Variants in KIFAP3 observed in about 807,000 individuals in gnomAD.
The protein encoded by KIFAP3 is kinesin associated protein 3, also known as kinesin-associated protein 3.
A neutral mutation model predicts 106.5 loss-of-function variants in KIFAP3; 68 were observed. The observed-to-expected ratio is 0.64, with a 90% CI of 0.53 to 0.78. KIFAP3 has a LOEUF of 0.78. KIFAP3 is among the 30% of genes least tolerant of loss of function. The pLI, the probability that KIFAP3 is intolerant of heterozygous loss-of-function variation, is 0.00. For missense variants in KIFAP3, 780 were observed against 941.8 expected, an observed-to-expected ratio of 0.83 and a Z score of 2.25; for synonymous variants, 320 against 311.5, an observed-to-expected ratio of 1.03 and a Z score of -0.29.
chr1:170,074,041 C>G (rs1280740400), intron 1 of KIFAP3, among the ~76,000 whole-genome samples: 1 of 152,094 alleles, frequency 6.6e-6, no homozygotes, highest in African/African-American at 2.4e-5. Context: ...CAAACTGAGG[C>G]CTGAGGGCGG....
At chr1:170,005,061 A>T (rs1313416934) in intron 10 of KIFAP3, among the ~76,000 whole-genome samples, 1 of 152,272 alleles carries the variant, frequency 6.6e-6, no homozygotes, top group East Asian at 1.9e-4. Flanking sequence ...ATGAACAGAC[A>T]CTTCTCAAAA....
At chr1:170,046,932 T>A (rs1670288655) in intron 2 of KIFAP3, 66 bp from the exon 3 acceptor site, 2 of 849,276 alleles carry the variant, frequency 2.4e-6, no homozygotes, top group East Asian at 3.1e-5. Flanking sequence ...ACTACTACTT[T>A]AAAATAATTT....
At chr1:169,965,656 A>G (rs1382942094) in intron 17 of KIFAP3, among the ~76,000 whole-genome samples, 3 of 152,060 alleles carry the variant, frequency 2.0e-5, no homozygotes, top group Non-Finnish European at 2.9e-5. Flanking sequence ...TAACAAAAAT[A>G]TATCTAATAA....
At chr1:170,053,454 T>C (rs911329411) in intron 2 of KIFAP3, among the ~76,000 whole-genome samples, 1 of 151,986 alleles carries the variant, frequency 6.6e-6, no homozygotes, top group African/African-American at 2.4e-5. Flanking sequence ...CTAGCATTGA[T>C]TTTTTTCACA....
intron 17 of KIFAP3, 54 bp from the exon 18 acceptor site, chr1:169,961,289 C>CA: frequency 7.2e-7 from 1 of 1,396,348 alleles, no homozygotes; most frequent in Admixed American, 1.7e-5. Context: ...ACTTGGCACT[C>CA]AGACGGCAAT....
At chr1:169,968,142 A>T (rs1364652362) in intron 17 of KIFAP3, among the ~76,000 whole-genome samples, 1 of 151,892 alleles carries the variant, frequency 6.6e-6, no homozygotes, top group East Asian at 1.9e-4. Context: ...TTCTCTTCTT[A>T]GCTCCTGACA....
intron 10 of KIFAP3, among the ~76,000 whole-genome samples, chr1:170,009,851 T>A (rs1012635164): frequency 6.6e-6 from 1 of 152,092 alleles, no homozygotes; most frequent in African/African-American, 2.4e-5. Context: ...TTTTTGAAGA[T>A]CTGATTCTTG....
chr1:170,034,511 T>C lies in KIFAP3; in HGVS notation c.618-15A>G, dbSNP rs1411545635. 1 of 1,325,636 alleles carries C rather than the reference T, an allele frequency of 7.5e-7. No individual in the cohort carries two copies. Among genetic ancestry groups the C allele is most frequent in the Non-Finnish European group, 1.0e-6 (1 of 963,118 alleles). 82.1% of individuals were successfully genotyped at this position (1,325,636 alleles called of 1,614,324 possible). ...ATTGAGAAAAGCTTTAAAGAAGACATTTTAATATATATTTAAAAGAATACA... is the reference window on the plus strand; with the variant it reads ...ATTGAGAAAAGCTTTAAAGAAGACACTTTAATATATATTTAAAAGAATACA... On this transcript the variant is annotated splice_polypyrimidine_tract_variant and intron_variant, in intron 6 of 19. Coordinates refer to ENST00000361580, the MANE Select transcript of KIFAP3 (RefSeq NM_014970.4).
chr1:170,002,656 T>C (rs1278980695), intron 10 of KIFAP3, among the ~76,000 whole-genome samples: 2 of 152,182 alleles, frequency 1.3e-5, no homozygotes, highest in Non-Finnish European at 2.9e-5. Flanking sequence ...CATACGTTTA[T>C]CACTGACCAG....
intron 17 of KIFAP3, among the ~76,000 whole-genome samples, chr1:169,967,314 T>C (rs765052342): frequency 2.0e-4 from 31 of 151,842 alleles, no homozygotes; most frequent in Admixed American, 4.6e-4. Context: ...CTTTCCTTTT[T>C]TATTTTTTTC....
At chr1:169,997,768 G>T (rs1257086658) in intron 10 of KIFAP3, among the ~76,000 whole-genome samples, 1 of 150,330 alleles carries the variant, frequency 6.7e-6, no homozygotes, top group Admixed American at 6.7e-5. Flanking sequence ...TACTCAGGAA[G>T]CTGAGATGTG....
At chr1:170,060,387 A>G (rs1360390052) in intron 1 of KIFAP3, among the ~76,000 whole-genome samples, 1 of 152,218 alleles carries the variant, frequency 6.6e-6, no homozygotes, top group African/African-American at 2.4e-5. Context: ...AGAGAGCCAA[A>G]TCATGAGTGA....
chr1:169,959,262 C>A (rs893498302), intron 18 of KIFAP3, among the ~76,000 whole-genome samples: 1 of 152,088 alleles, frequency 6.6e-6, no homozygotes, highest in Admixed American at 6.5e-5. Context: ...TCTAGATTTC[C>A]ATGAGACACA....
chr1:169,960,078 T>C (rs3790404), intron 18 of KIFAP3, among the ~76,000 whole-genome samples: 2 of 151,960 alleles, frequency 1.3e-5, no homozygotes, highest in African/African-American at 4.8e-5. Context: ...AGAAAACACA[T>C]GAATGAAAGT....
At chr1:170,056,003 G>A (rs1009302885) in intron 1 of KIFAP3, among the ~76,000 whole-genome samples, 2 of 151,900 alleles carry the variant, frequency 1.3e-5, no homozygotes, top group Admixed American at 6.6e-5. Flanking sequence ...ATGGTGGCAG[G>A]TGTCTGTAGT....
chr1:169,943,432 C>T (rs1271356077), intron 19 of KIFAP3, among the ~76,000 whole-genome samples: 1 of 152,002 alleles, frequency 6.6e-6, no homozygotes, highest in Non-Finnish European at 1.5e-5. Flanking sequence ...TAGAAAATAT[C>T]CCTGAGTTAA....
chr1:170,085,022 A>G (rs1409779073), intron 1 of KIFAP3: 1 of 152,192 alleles, frequency 6.6e-6, no homozygotes, highest in Non-Finnish European at 1.5e-5. Context: ...AGTACATAGA[A>G]AATCTTTCTT....
chr1:170,056,039 G>T (rs571934707), intron 1 of KIFAP3, among the ~76,000 whole-genome samples: 2 of 151,978 alleles, frequency 1.3e-5, no homozygotes, highest in African/African-American at 4.8e-5. Context: ...GCTGAGGCGG[G>T]AGGATCACTT....
chr1:169,965,077 C>CA (rs1665537466), intron 17 of KIFAP3, among the ~76,000 whole-genome samples: 1 of 152,102 alleles, frequency 6.6e-6, no homozygotes, highest in South Asian at 2.1e-4. Context: ...TACTAATTGG[C>CA]TTTTTTTCTA....
Sources: gnomAD v4.1 joint callset for allele counts (sites outside exome capture counted in the v4.1 genomes callset) on GRCh38, gnomAD v4.1.1 for gene constraint, MANE v1.5 for transcripts, NCBI Gene and HGNC (gene_info 2026-07-23, HGNC 2026-07-21) for gene names.